The following COMT variants were observed in gnomAD, a reference collection of about 807,000 sequenced individuals.
COMT encodes the protein catechol-O-methyltransferase.
In COMT, 13 loss-of-function variants were observed where a neutral mutation model predicts 18.9. That is an observed-to-expected ratio of 0.69 (90% CI 0.45 to 1.09). The LOEUF (loss-of-function observed/expected upper bound fraction) is 1.09, where lower values mean the gene tolerates loss of function less well. Among genes scored for constraint, COMT ranks in the 50% least tolerant of loss-of-function variants. The pLI is 0.00. For synonymous variants in COMT, 150 were observed against 160.9 expected, an observed-to-expected ratio of 0.93 and a Z score of 0.51; for missense variants, 329 against 361.8, an observed-to-expected ratio of 0.91 and a Z score of 0.73.
chr22:19,963,445 A>G, intron 3 of COMT, 121 bp from the exon 4 acceptor site: 1 of 1,174,048 alleles, frequency 8.5e-7, no homozygotes. Flanking sequence ...GAGGAGGGCC[A>G]GCGGCCAGGC....
At chr22:19,963,540 T>A (rs748587418) in intron 3 of COMT, 26 bp from the exon 4 acceptor site, 1 of 1,608,684 alleles carries the variant, frequency 6.2e-7, no homozygotes, top group South Asian at 1.1e-5. Flanking sequence ...TGTGCTCACC[T>A]CTCCTCCGTC....
At chr22:19,951,009 C>G (rs895135727) in intron 1 of COMT, 1 of 152,178 alleles carries the variant, frequency 6.6e-6, no homozygotes, top group African/African-American at 2.4e-5. Context: ...AGTGAATCCC[C>G]TCTGGGAACG....
At chr22:19,946,910 G>GGTTTT (rs763607822) in intron 1 of COMT, among the ~76,000 whole-genome samples, 2 of 117,120 alleles carry the variant, frequency 1.7e-5, no homozygotes, top group African/African-American at 6.8e-5. Flanking sequence ...TTTTTTTTTA[G>GGTTTT]TTTTTTTTTT....
At chr22:19,964,448 G>A in intron 5 of COMT, 149 bp downstream of exon 5, 1 of 1,172,324 alleles carries the variant, frequency 8.5e-7, no homozygotes, top group Admixed American at 2.0e-5. Flanking sequence ...TGGGAGTGTG[G>A]GGGACTGAGG....
chr22:19,962,726 CGGAGCCCGGGAA>C lies in COMT; in HGVS notation c.201_212del (p.Glu68_Asn71del). 1 of 1,613,692 alleles carries C rather than the reference CGGAGCCCGGGAA, an allele frequency of 6.2e-7. No homozygotes were observed. ...ATCCTGAACCACGTGCTGCAGCATG[CGGAGCCCGGGAA>C]CGCACAGAGCGTGCTGGAGGCCATT... On this transcript the variant is annotated inframe_deletion, in exon 3 of 6. Transcript: ENST00000361682.
intron 1 of COMT, among the ~76,000 whole-genome samples, chr22:19,952,549 G>A (rs550005778): frequency 2.0e-5 from 3 of 151,718 alleles, no homozygotes; most frequent in Admixed American, 2.0e-4. Flanking sequence ...TGAGGCAGGA[G>A]AATGCCATGA....
intron 1 of COMT, among the ~76,000 whole-genome samples, chr22:19,958,796 G>A (rs1246478149): frequency 6.6e-6 from 1 of 151,772 alleles, no homozygotes; most frequent in Non-Finnish European, 1.5e-5. Flanking sequence ...GGGGGCTGAG[G>A]CAGGAGGATC....
At chr22:19,946,946 C>T (rs1332065358) in intron 1 of COMT, among the ~76,000 whole-genome samples, 21 of 141,486 alleles carry the variant, frequency 1.5e-4, no homozygotes, top group Non-Finnish European at 9.1e-5. Flanking sequence ...GACAGAGTCC[C>T]ACTGTGTTGC....
intron 1 of COMT, among the ~76,000 whole-genome samples, chr22:19,953,322 G>A (rs1203076486): frequency 1.3e-5 from 2 of 152,072 alleles, no homozygotes; most frequent in African/African-American, 2.4e-5. Flanking sequence ...ACAGAGTCTC[G>A]CTCTGTTGCC....
At position 19,968,561 on chromosome 22, in the gene COMT, C is replaced by T; in HGVS notation, c.641C>T (p.Thr214Ile). The change falls in exon 6 of 6, where the codon ACA becomes ATA. Residue 214 changes from threonine to isoleucine, a missense_variant. Physicochemically the swap from Thr to Ile is moderately conservative, Grantham distance 89 (BLOSUM62 -1). Transcript: ENST00000361682. ...LEECGLLRKGTVLLADNVICP... is the reference protein window; with the variant it reads ...LEECGLLRKGIVLLADNVICP... ...GAATGTGGCCTGCTGCGGAAGGGGA[C>T]AGTGCTACTGGCTGACAACGTGATC... The T allele has an allele frequency of 6.2e-7, 1 of 1,614,070 alleles. No individual in the cohort carries two copies.
chr22:19,958,192 T>A (rs1477221070), intron 1 of COMT, among the ~76,000 whole-genome samples: 6 of 138,112 alleles, frequency 4.3e-5, no homozygotes, highest in Non-Finnish European at 1.6e-5. Flanking sequence ...TGAGACGGGG[T>A]CTTGCTCTGT....
chr22:19,950,241 CTTTT>C lies in COMT; in HGVS notation c.-92+8363_-92+8366del, dbSNP rs55653258. Among the ~76,000 whole-genome samples the C allele has an allele frequency of 1.7e-4, 15 of 87,862 alleles. No homozygotes were observed. The East Asian group carries it at 4.0e-3, about 24-fold the overall frequency. 57.6% of individuals were successfully genotyped at this position (87,862 alleles called of 152,430 possible). A position where few individuals can be genotyped will look rare whatever the true frequency, so the allele number is the denominator to read the frequency against. ...TATATTTTTTCTTTTCTTTTCTTTT[CTTTT>C]TTTTTTTTTTTTTTTTTTCTGTAGA... is the stretch of plus-strand genomic sequence containing the variant. On this transcript the variant is annotated intron_variant, in intron 1 of 5. Coordinates refer to ENST00000361682, the MANE Select transcript of COMT (RefSeq NM_000754.4).
chr22:19,959,479 T>G (rs556520712), intron 1 of COMT, among the ~76,000 whole-genome samples: 1 of 152,126 alleles, frequency 6.6e-6, no homozygotes, highest in Admixed American at 6.5e-5. Flanking sequence ...GGCCTCCCCT[T>G]CTGGGGCCTC....
intron 1 of COMT, among the ~76,000 whole-genome samples, chr22:19,953,460 A>AT (rs1401641888): frequency 2.0e-5 from 3 of 151,956 alleles, no homozygotes; most frequent in African/African-American, 7.2e-5. Context: ...TGCCCGGCTC[A>AT]TTTTTTGCAT....
chr22:19,966,935 C>T (rs174699), intron 5 of COMT: 926,786 of 985,194 alleles, frequency 0.94, 436,956 homozygotes, highest in African/African-American at 0.97. Flanking sequence ...CGCTTCTCCA[C>T]GGCATTAGAT....
intron 1 of COMT, among the ~76,000 whole-genome samples, chr22:19,953,608 A>G (rs992606222): frequency 3.3e-5 from 5 of 151,990 alleles, no homozygotes; most frequent in African/African-American, 1.2e-4. Flanking sequence ...TGTTTACAGT[A>G]CTCAGCAGCT....
intron 5 of COMT, among the ~76,000 whole-genome samples, chr22:19,965,861 T>C (rs1942363590): frequency 1.3e-5 from 2 of 152,064 alleles, no homozygotes; most frequent in Non-Finnish European, 2.9e-5. Flanking sequence ...ACAGGGTAGC[T>C]GGAGGGGGGC....
At position 19,946,623 on chromosome 22, in the gene COMT, GA is replaced by G. The variant is rs1463004285; in HGVS notation, c.-92+4727del. Among the ~76,000 whole-genome samples the G allele has an allele frequency of 2.0e-5, 3 of 152,306 alleles. No individual in the cohort carries two copies. In the East Asian group the frequency reaches 5.8e-4, roughly 29 times the overall value. ...TGCAAGAGATTTCAGGAAAGCATCA[GA>G]GTAAAACTCTAATGACAAAAGACTT... On this transcript the variant is annotated intron_variant, in intron 1 of 5. Coordinates refer to ENST00000361682, the MANE Select transcript of COMT (RefSeq NM_000754.4).
At position 19,963,722 on chromosome 22, in the gene COMT, C is replaced by A; in HGVS notation, c.446C>A (p.Thr149Asn). 1 of 1,612,818 alleles carries A rather than the reference C, an allele frequency of 6.2e-7. No individual in the cohort carries two copies. The highest frequency in any genetic ancestry group is 8.5e-7 in the Non-Finnish European group (1 of 1,179,996). The change falls in exon 4 of 6, where the codon ACC (threonine) becomes AAC (asparagine). Residue 149 changes from threonine (T) to asparagine (N), a missense_variant. Physicochemically the swap from Thr to Asn is moderately conservative, Grantham distance 65. Transcript: ENST00000361682. The part of the protein sequence containing the change: ...IEINPDCAAI[T>N]QRMVDFAGVK... ...ATCAACCCCGACTGTGCCGCCATCA[C>A]CCAGCGGATGGTGGATTTCGCTGGC... is the stretch of plus-strand genomic sequence containing the variant.
Sources: gnomAD v4.1 joint callset for allele counts (sites outside exome capture counted in the v4.1 genomes callset) on GRCh38, gnomAD v4.1.1 for gene constraint, MANE v1.5 for transcripts, NCBI Gene and HGNC (gene_info 2026-07-23, HGNC 2026-07-21) for gene names.